DSE: variants seen among roughly 807,000 people sequenced by gnomAD.
DSE encodes dermatan-sulfate epimerase.
In DSE, 36 loss-of-function variants were observed where a neutral mutation model predicts 84.4. The observed-to-expected ratio is 0.43, with a 90% CI of 0.33 to 0.56. DSE has a LOEUF of 0.56. DSE is among the 20% of genes least tolerant of loss of function. DSE has a pLI of 0.06. For missense variants in DSE, 862 were observed against 1,169.6 expected (o/e 0.74, Z 3.84); for synonymous variants, 410 against 430.1 (o/e 0.95, Z 0.58).
intron 2 of DSE, among the ~76,000 whole-genome samples, chr6:116,280,751 A>G (rs1388785912): frequency 6.6e-6 from 1 of 152,196 alleles, no homozygotes; most frequent in Non-Finnish European, 1.5e-5. Context: ...GTGCTGTCTT[A>G]GAGAGCTACA....
In DSE at chr6:116,436,017, C is replaced by G. The variant is rs995025209; in HGVS notation, c.1549C>G (p.Leu517Val). ...AAAATGGTCTAAATACAAGCATGACCTGGCAGCTAGTTGTCAGGGGAGGGT... is the reference window on the plus strand; with the variant it reads ...AAAATGGTCTAAATACAAGCATGACGTGGCAGCTAGTTGTCAGGGGAGGGT... ...SSKWSKYKHD[L>V]AASCQGRVVA... is the part of the protein sequence containing the mutation. The change falls in exon 6 of 6, where the codon CTG becomes GTG. Residue 517 changes from leucine to valine, a missense_variant. Leu to Val is a conservative substitution (Grantham distance 32). Around this residue, in one of 4 missense-constraint regions of DSE, gnomAD observed 186 missense variants for 255.1 expected, o/e 0.73. Coordinates refer to ENST00000644252, the MANE Select transcript of DSE (RefSeq NM_013352.4). 3.7e-6 allele frequency: 6 copies of G among 1,614,140 alleles called. No individual in the cohort carries two copies. The highest frequency in any genetic ancestry group is 5.1e-6 in the Non-Finnish European group (6 of 1,180,016).
chr6:116,329,207 C>T (rs1776802961), intron 2 of DSE, among the ~76,000 whole-genome samples: 1 of 152,174 alleles, frequency 6.6e-6, no homozygotes, highest in Non-Finnish European at 1.5e-5. Flanking sequence ...CTCAGCTATA[C>T]TTGTTTATTT....
chr6:116,260,802 G>A (rs1204720256), intron 2 of DSE, among the ~76,000 whole-genome samples: 2 of 152,126 alleles, frequency 1.3e-5, no homozygotes, highest in Non-Finnish European at 2.9e-5. Flanking sequence ...TAGGTGTGCA[G>A]TCTTATTTCT....
chr6:116,389,418 G>A (rs1468771513), intron 1 of DSE, among the ~76,000 whole-genome samples: 14 of 151,902 alleles, frequency 9.2e-5, no homozygotes, highest in Admixed American at 8.5e-4. Context: ...GGCTTTAAAG[G>A]TGCTACCTCA....
At chr6:116,348,300 G>A (rs536602119) in intron 2 of DSE, among the ~76,000 whole-genome samples, 2 of 152,182 alleles carry the variant, frequency 1.3e-5, no homozygotes, top group South Asian at 2.1e-4. Context: ...GGTGGCTGGC[G>A]CCTGTAGTCC....
chr6:116,269,138 A>G (rs1339247287), intron 2 of DSE, among the ~76,000 whole-genome samples: 1 of 152,132 alleles, frequency 6.6e-6, no homozygotes, highest in African/African-American at 2.4e-5. Context: ...TTAAAGATGC[A>G]CCCTTTGAAA....
chr6:116,285,616 A>G (rs1001360732), intron 2 of DSE, among the ~76,000 whole-genome samples: 10 of 152,208 alleles, frequency 6.6e-5, no homozygotes, highest in Admixed American at 1.3e-4. Context: ...CCTGAATGGT[A>G]TTGCCTAGGT....
chr6:116,408,373 C>T (rs148221660), intron 2 of DSE, among the ~76,000 whole-genome samples: 4 of 152,194 alleles, frequency 2.6e-5, no homozygotes, highest in African/African-American at 9.6e-5. Context: ...TGAGGGTAGC[C>T]CCAGCATTTT....
chr6:116,296,523 A>G (rs1774676182), intron 2 of DSE, among the ~76,000 whole-genome samples: 2 of 152,262 alleles, frequency 1.3e-5, no homozygotes, highest in Admixed American at 6.5e-5. Context: ...AAGTAATTTA[A>G]AAGTGTGACT....
chr6:116,361,296 T>A (rs577922147), intron 2 of DSE, among the ~76,000 whole-genome samples: 1 of 152,256 alleles, frequency 6.6e-6, no homozygotes, highest in Non-Finnish European at 1.5e-5. Flanking sequence ...CCTGACCTTG[T>A]GATCTGCCTG....
chr6:116,300,787 C>T (rs1774991310), intron 2 of DSE, among the ~76,000 whole-genome samples: 1 of 152,156 alleles, frequency 6.6e-6, no homozygotes, highest in African/African-American at 2.4e-5. Flanking sequence ...AGGGAAAGTT[C>T]TGTTCAACAA....
intron 2 of DSE, among the ~76,000 whole-genome samples, chr6:116,408,055 C>T (rs1782049223): frequency 6.6e-6 from 1 of 152,210 alleles, no homozygotes; most frequent in African/African-American, 2.4e-5. Context: ...GTATGATCCA[C>T]CTTAACTTCT....
At chr6:116,311,807 C>T (rs916460514) in intron 2 of DSE, among the ~76,000 whole-genome samples, 1 of 152,152 alleles carries the variant, frequency 6.6e-6, no homozygotes, top group Non-Finnish European at 1.5e-5. Context: ...TTACCCTTTT[C>T]ATTCACTAAT....
intron 2 of DSE, among the ~76,000 whole-genome samples, chr6:116,421,423 G>GAAA (rs1297809416): frequency 8.5e-6 from 1 of 117,900 alleles, no homozygotes; most frequent in Non-Finnish European, 1.6e-5. Context: ...CATATTTTAG[G>GAAA]AAAAAATAAC....
chr6:116,324,249 TG>T (rs1227783854), intron 2 of DSE, among the ~76,000 whole-genome samples: 2 of 152,222 alleles, frequency 1.3e-5, no homozygotes, highest in Admixed American at 6.5e-5. Flanking sequence ...AGCTTGCCAT[TG>T]GCAGGTGGGC....
intron 2 of DSE, among the ~76,000 whole-genome samples, chr6:116,260,140 C>T (rs1481208254): frequency 2.6e-5 from 4 of 151,808 alleles, no homozygotes; most frequent in Admixed American, 2.0e-4. Context: ...TCCACAACCT[C>T]GCCAGCATCT....
At chr6:116,406,420 G>T (rs967841221) in intron 2 of DSE, among the ~76,000 whole-genome samples, 1 of 152,208 alleles carries the variant, frequency 6.6e-6, no homozygotes, top group Non-Finnish European at 1.5e-5. Context: ...TGAATTTTGT[G>T]GATGTCTTGC....
At chr6:116,358,869 A>G (rs1256827098) in intron 2 of DSE, among the ~76,000 whole-genome samples, 1 of 152,170 alleles carries the variant, frequency 6.6e-6, no homozygotes, top group Non-Finnish European at 1.5e-5. Context: ...AGTCAGATTT[A>G]TGTAGGTTAG....
At chr6:116,338,579 G>C (rs2114811773) in intron 2 of DSE, among the ~76,000 whole-genome samples, 1 of 152,106 alleles carries the variant, frequency 6.6e-6, no homozygotes, top group South Asian at 2.1e-4. Context: ...TGAATTTAGA[G>C]TTCATTATAA....
Sources: allele counts gnomAD v4.1 joint callset (sites outside exome capture counted in the v4.1 genomes callset), GRCh38; gene constraint gnomAD v4.1.1; regional missense constraint gnomAD v4.1.1; transcripts MANE v1.5; gene names NCBI Gene and HGNC (gene_info 2026-07-23, HGNC 2026-07-21).